Variants in CSTA observed in about 807,000 individuals in gnomAD.
CSTA encodes the protein cystatin-A.
Under a neutral mutation model 9.2 loss-of-function variants are expected in CSTA, and 9 were observed. That is an observed-to-expected ratio of 0.97 (90% CI 0.59 to 1.70). The LOEUF (loss-of-function observed/expected upper bound fraction) is 1.70. CSTA is among the 40% of genes most tolerant of loss of function. The pLI is 0.00. For synonymous variants in CSTA, 36 were observed against 40.6 expected, an observed-to-expected ratio of 0.89 and a Z score of 0.43; for missense variants, 118 against 113.1, an observed-to-expected ratio of 1.04 and a Z score of -0.20.
At chr3:122,326,180 G>C (rs1009600833) in intron 1 of CSTA, among the ~76,000 whole-genome samples, 14 of 152,100 alleles carry the variant, frequency 9.2e-5, no homozygotes, top group Non-Finnish European at 2.9e-5. Context: ...CACCACGCCT[G>C]GCTGATTTGG....
intron 1 of CSTA, among the ~76,000 whole-genome samples, chr3:122,331,343 C>G (rs942191894): frequency 2.6e-5 from 4 of 152,112 alleles, no homozygotes; most frequent in Non-Finnish European, 5.9e-5. Context: ...TATTAGTCGC[C>G]TCTCCCACTG....
intron 2 of CSTA, among the ~76,000 whole-genome samples, chr3:122,339,610 TG>T (rs2075254487): frequency 6.6e-6 from 1 of 152,304 alleles, no homozygotes; most frequent in East Asian, 1.9e-4. Flanking sequence ...CCGAACACTT[TG>T]GGAGGCCAAG....
At chr3:122,334,559 C>A (rs1020109641) in intron 1 of CSTA, among the ~76,000 whole-genome samples, 1 of 152,042 alleles carries the variant, frequency 6.6e-6, no homozygotes, top group Non-Finnish European at 1.5e-5. Context: ...GGACTGGAGG[C>A]CTGATTGAAG....
intron 2 of CSTA, among the ~76,000 whole-genome samples, chr3:122,339,414 A>G (rs1029165495): frequency 3.3e-5 from 5 of 152,214 alleles, no homozygotes; most frequent in African/African-American, 1.2e-4. Context: ...TTGGGTTACC[A>G]ACGAAAAAAC....
chr3:122,337,450 G>A (rs1244269984), intron 1 of CSTA, 97 bp from the exon 2 acceptor site: 9 of 768,470 alleles, frequency 1.2e-5, no homozygotes, highest in Non-Finnish European at 2.0e-5. Flanking sequence ...TACCATCTTT[G>A]AAGACTTTTA....
At chr3:122,328,202 TAA>T (rs2075181477) in intron 1 of CSTA, among the ~76,000 whole-genome samples, 7 of 152,162 alleles carry the variant, frequency 4.6e-5, no homozygotes. Flanking sequence ...TCAAAGAGAT[TAA>T]GAGTCACTTA....
chr3:122,341,261 A>G (rs952943007), intron 2 of CSTA, among the ~76,000 whole-genome samples, 178 bp from the exon 3 acceptor site: 1 of 152,056 alleles, frequency 6.6e-6, no homozygotes, highest in Non-Finnish European at 1.5e-5. Context: ...TTTTTCTCCT[A>G]AAATAAGGTG....
At chr3:122,333,540 G>GAAA (rs1274127478) in intron 1 of CSTA, among the ~76,000 whole-genome samples, 1 of 112,078 alleles carries the variant, frequency 8.9e-6, no homozygotes, top group Non-Finnish European at 1.8e-5. Flanking sequence ...AGAAAAGAAA[G>GAAA]AAGAAAGAAA....
intron 1 of CSTA, among the ~76,000 whole-genome samples, chr3:122,326,279 C>T (rs2075170335): frequency 6.6e-6 from 1 of 152,214 alleles, no homozygotes; most frequent in Non-Finnish European, 1.5e-5. Flanking sequence ...CATCCACTCA[C>T]CTAGGCTTCC....
chr3:122,330,311 T>C (rs964449400), intron 1 of CSTA, among the ~76,000 whole-genome samples: 3 of 152,244 alleles, frequency 2.0e-5, no homozygotes, highest in Admixed American at 1.3e-4. Context: ...CAGCTTTCCT[T>C]GGACTTCTCA....
At chr3:122,337,318 AT>A (rs2075241731) in intron 1 of CSTA, among the ~76,000 whole-genome samples, 2 of 152,226 alleles carry the variant, frequency 1.3e-5, no homozygotes, top group African/African-American at 4.8e-5. Context: ...CCTATATTGC[AT>A]TACCACACTG....
At chr3:122,325,835 A>G (rs1234636390) in intron 1 of CSTA, among the ~76,000 whole-genome samples, 2 of 152,198 alleles carry the variant, frequency 1.3e-5, no homozygotes, top group Non-Finnish European at 2.9e-5. Context: ...CAAACTTCAT[A>G]CACTTTTGCC....
intron 1 of CSTA, among the ~76,000 whole-genome samples, chr3:122,332,686 G>A (rs1389207424): frequency 6.6e-6 from 1 of 152,108 alleles, no homozygotes; most frequent in Non-Finnish European, 1.5e-5. Flanking sequence ...CTTCTCCCTG[G>A]TAGCCTCCTC....
intron 1 of CSTA, among the ~76,000 whole-genome samples, chr3:122,334,259 C>T (rs373616845): frequency 7.2e-5 from 11 of 152,052 alleles, no homozygotes; most frequent in African/African-American, 2.7e-4. Context: ...AGTGGTGGTC[C>T]GTGGAGTGTT....
intron 2 of CSTA, 68 bp from the exon 3 acceptor site, chr3:122,341,369 GCT>G: frequency 6.4e-7 from 1 of 1,551,634 alleles, no homozygotes; most frequent in Non-Finnish European, 8.9e-7. Flanking sequence ...TAGACCTGTG[GCT>G]CTCTCACTTG....
At chr3:122,337,877 AT>A in intron 2 of CSTA, 1 of 518,976 alleles carries the variant, frequency 1.9e-6, no homozygotes, top group Admixed American at 3.3e-5. Flanking sequence ...ATTTCTGGAA[AT>A]TGTATAGAAA....
chr3:122,335,923 C>A (rs2075234405), intron 1 of CSTA, among the ~76,000 whole-genome samples: 1 of 151,608 alleles, frequency 6.6e-6, no homozygotes, highest in African/African-American at 2.4e-5. Flanking sequence ...TGAGCCACCA[C>A]ACCCGGCCGT....
chr3:122,333,878 A>C (rs2075222013), intron 1 of CSTA, among the ~76,000 whole-genome samples: 1 of 152,258 alleles, frequency 6.6e-6, no homozygotes, highest in Non-Finnish European at 1.5e-5. Flanking sequence ...ATAATTTTTC[A>C]ACTTTAAGCA....
chr3:122,327,057 G>C (rs897276587), intron 1 of CSTA, among the ~76,000 whole-genome samples: 1 of 152,110 alleles, frequency 6.6e-6, no homozygotes, highest in Middle Eastern at 3.4e-3. Context: ...GGCCAACATG[G>C]TGAAACCCCA....
Sources: gnomAD v4.1 joint callset for allele counts (sites outside exome capture counted in the v4.1 genomes callset) on GRCh38, gnomAD v4.1.1 for gene constraint, MANE v1.5 for transcripts, NCBI Gene and HGNC (gene_info 2026-07-23, HGNC 2026-07-21) for gene names.